The following ANKS3 variants were observed in gnomAD, a reference collection of about 807,000 sequenced individuals.
ANKS3 encodes the protein ankyrin repeat and SAM domain-containing protein 3.
A neutral mutation model predicts 80.7 loss-of-function variants in ANKS3; 62 were observed. The observed-to-expected ratio is 0.77, with a 90% CI of 0.63 to 0.95. ANKS3 has a LOEUF of 0.95. ANKS3 is among the 40% of genes least tolerant of loss of function. ANKS3 has a pLI of 0.00. For synonymous variants in ANKS3, 489 were observed against 355.3 expected, an observed-to-expected ratio of 1.38 and a Z score of -4.23; for missense variants, 1,150 against 883.6, an observed-to-expected ratio of 1.30 and a Z score of -3.82.
intron 7 of ANKS3, among the ~76,000 whole-genome samples, chr16:4,712,672 C>G (rs894703603): frequency 1.3e-5 from 2 of 152,138 alleles, no homozygotes; most frequent in Admixed American, 1.3e-4. Flanking sequence ...TGTTAATAAG[C>G]TAAAATAACA....
At chr16:4,723,697 C>T (rs979329011) in intron 6 of ANKS3, among the ~76,000 whole-genome samples, 4 of 152,218 alleles carry the variant, frequency 2.6e-5, no homozygotes, top group African/African-American at 9.7e-5. Flanking sequence ...TTTATCAATT[C>T]CTCAGTAGAT....
chr16:4,698,710 C>T, intron 13 of ANKS3, 90 bp downstream of exon 13: 3 of 1,540,626 alleles, frequency 1.9e-6, no homozygotes, highest in East Asian at 2.3e-5. Flanking sequence ...ATCCACCTGA[C>T]CCCTCCACAC....
chr16:4,727,552 A>T (rs1287507775), intron 3 of ANKS3: 1 of 341,216 alleles, frequency 2.9e-6, no homozygotes, highest in Non-Finnish European at 5.7e-6. Flanking sequence ...GCTGCCGCTA[A>T]ACATCCCACA....
intron 5 of ANKS3, 132 bp downstream of exon 5, chr16:4,726,527 A>C: frequency 1.1e-6 from 1 of 895,988 alleles, no homozygotes; most frequent in African/African-American, 1.7e-5. Context: ...CTCTGGTCCT[A>C]CCCCTCATCT....
At position 4,726,759 on chromosome 16, in the gene ANKS3, T is replaced by C; in HGVS notation, c.391A>G (p.Lys131Glu). The C allele has an allele frequency of 6.2e-7, 1 of 1,614,022 alleles. No individual in the cohort carries two copies. The highest frequency in any genetic ancestry group is 8.5e-7 in the Non-Finnish European group (1 of 1,179,854). The change falls in exon 5 of 18, where the codon AAA (lysine) becomes GAA (glutamate). Residue 131 changes from lysine (K) to glutamate (E), a missense_variant. By Grantham distance (56) the Lys-to-Glu change is moderately conservative. Coordinates refer to ENST00000304283, the MANE Select transcript of ANKS3 (RefSeq NM_133450.4). ...LLQQGAELEMKDIQGWTALFH... is the reference protein window; with the variant it reads ...LLQQGAELEMEDIQGWTALFH... ...AGGGCTGTCCAGCCCTGGATGTCTT[T>C]CATTTCTAGCTCTGCACCTTGCTTC...
At chr16:4,709,812 A>G (rs556494123) in intron 7 of ANKS3, among the ~76,000 whole-genome samples, 51 of 152,130 alleles carry the variant, frequency 3.4e-4, no homozygotes, top group Non-Finnish European at 6.3e-4. Flanking sequence ...GGAGTTCAAA[A>G]CCAACCTGGT....
chr16:4,702,981 C>T (rs1596359750), intron 8 of ANKS3, among the ~76,000 whole-genome samples: 2 of 152,260 alleles, frequency 1.3e-5, no homozygotes, highest in Admixed American at 1.3e-4. Flanking sequence ...CCAGCCTGGG[C>T]TACAGTGAAA....
In ANKS3 at chr16:4,702,106, ACTGCTGCTG is replaced by A. The variant is rs573376043; in HGVS notation, c.996_1004del (p.Ser333_Ser335del). The A allele has an allele frequency of 1.7e-5, 26 of 1,542,432 alleles. No homozygotes were observed. The highest frequency in any genetic ancestry group is 2.1e-5 in the Non-Finnish European group (24 of 1,137,692). On this transcript the variant is annotated inframe_deletion, in exon 9 of 18. Coordinates refer to ENST00000304283, the MANE Select transcript of ANKS3 (RefSeq NM_133450.4). ...GATGGGTGGGGGTGCACGTACCCCGACTGCTGCTGCTGCTGCTGCTCTCCACATCCCGCT... is the reference window on the plus strand; with the variant it reads ...GATGGGTGGGGGTGCACGTACCCCGACTGCTGCTGCTCTCCACATCCCGCT...
intron 10 of ANKS3, 66 bp downstream of exon 10, chr16:4,701,368 C>A (rs902458059): frequency 6.9e-6 from 10 of 1,451,830 alleles, no homozygotes; most frequent in South Asian, 2.6e-5. Context: ...CTTAAAGTAA[C>A]TGGGGGATGT....
Position 4,697,363 on chromosome 16 carries a change from C to T in ANKS3, c.1864G>A (p.Gly622Arg), listed in dbSNP as rs1249728898. 2.5e-6 allele frequency: 4 copies of T among 1,610,190 alleles called. No individual in the cohort carries two copies. The highest frequency in any genetic ancestry group is 2.2e-5 in the East Asian group (1 of 44,792). ...LQAMSLPELSGALEDRVREMG... is the reference protein window; with the variant it reads ...LQAMSLPELSRALEDRVREMG... ...TCACGGACACGGTCCTCCAGGGCTC[C>T]CGAGAGCTCGGGGAGGCTCATGGCC... is the stretch of plus-strand genomic sequence containing the variant. The change falls in exon 16 of 18, where the codon GGA becomes AGA. Residue 622 changes from glycine (G) to arginine (R), a missense_variant. Transcript: ENST00000304283.
chr16:4,701,077 T>A lies in ANKS3; in HGVS notation c.1177A>T (p.Thr393Ser). The A allele has an allele frequency of 2.5e-6, 4 of 1,614,034 alleles. No homozygotes were observed. Among genetic ancestry groups the A allele is most frequent in the Non-Finnish European group, 2.5e-6 (3 of 1,180,028 alleles). ...GGCCACTGGCTGTCAGGATTCTTGG[T>A]CTTCATGTAACTTTTAGCTTGTTTG... Reference protein sequence around the residue: ...ARKQAKSYMKTKNPDSQWPPR... With the variant: ...ARKQAKSYMKSKNPDSQWPPR... The change falls in exon 11 of 18, where the codon ACC becomes TCC. Residue 393 changes from threonine to serine, a missense_variant. Thr to Ser is a moderately conservative substitution (Grantham distance 58). Transcript: ENST00000304283.
intron 7 of ANKS3, 82 bp from the exon 8 acceptor site, chr16:4,705,335 G>T: frequency 4.6e-6 from 7 of 1,506,866 alleles, no homozygotes; most frequent in South Asian, 1.2e-5. Flanking sequence ...GAAAGAAAGT[G>T]ACTGTCGCCG....
intron 6 of ANKS3, among the ~76,000 whole-genome samples, chr16:4,722,343 G>A (rs1487963062): frequency 2.0e-5 from 3 of 151,650 alleles, no homozygotes; most frequent in Non-Finnish European, 2.9e-5. Context: ...CACTTTGGGA[G>A]GCCAGGGCGG....
intron 7 of ANKS3, among the ~76,000 whole-genome samples, chr16:4,711,468 C>G (rs896361542): frequency 1.1e-4 from 16 of 151,560 alleles, no homozygotes; most frequent in Admixed American, 7.9e-4. Flanking sequence ...CCTATAATCC[C>G]AGTACTTTGG....
chr16:4,696,990 G>A (rs368488833), intron 17 of ANKS3, 27 bp downstream of exon 17: 19 of 1,607,742 alleles, frequency 1.2e-5, no homozygotes, highest in Non-Finnish European at 1.4e-5. Flanking sequence ...CTCCCACCAC[G>A]CGGGATCCAG....
intron 7 of ANKS3, 132 bp downstream of exon 7, chr16:4,713,919 G>C: frequency 7.8e-7 from 1 of 1,277,338 alleles, no homozygotes; most frequent in Middle Eastern, 2.6e-4. Flanking sequence ...CATGTAAGCA[G>C]CTGGGGGAGG....
At chr16:4,728,525 TC>T (rs1175405109) in intron 3 of ANKS3, among the ~76,000 whole-genome samples, 1 of 152,086 alleles carries the variant, frequency 6.6e-6, no homozygotes, top group Non-Finnish European at 1.5e-5. Flanking sequence ...TGCACCCAGC[TC>T]GTCCTAACAC....
At chr16:4,726,957 C>T (rs2081386210) in intron 4 of ANKS3, 22 bp downstream of exon 4, 1 of 1,613,528 alleles carries the variant, frequency 6.2e-7, no homozygotes, top group African/African-American at 1.3e-5. Flanking sequence ...GGTTTCTGGG[C>T]CTGAGTTCCC....
Position 4,702,127 on chromosome 16 carries a change from C to T in ANKS3, c.984G>A (p.Glu328=), listed in dbSNP as rs76733899. The change falls in exon 9 of 18, where the codon GAG becomes GAA. Residue 328 remains glutamate (E), a synonymous_variant. Transcript: ENST00000304283. ...CCCGACTGCTGCTGCTGCTGCTGCTCTCCACATCCCGCTCATTGATGGGGG... is the reference window on the plus strand; with the variant it reads ...CCCGACTGCTGCTGCTGCTGCTGCTTTCCACATCCCGCTCATTGATGGGGG... The part of the protein sequence containing the change: ...VTSPINERDV[E]SSSSSSSREE... The T allele has an allele frequency of 1.5e-3, 2,330 of 1,598,708 alleles. 31 individuals are homozygous for T. In the African/African-American group the frequency reaches 0.028, roughly 19 times the overall value.
Sources: gnomAD v4.1 joint callset for allele counts (sites outside exome capture counted in the v4.1 genomes callset) on GRCh38, gnomAD v4.1.1 for gene constraint, MANE v1.5 for transcripts, NCBI Gene and HGNC (gene_info 2026-07-23, HGNC 2026-07-21) for gene names.